RPS6KA2: variants seen among roughly 807,000 people sequenced by gnomAD.
The protein encoded by RPS6KA2 is ribosomal protein S6 kinase alpha-2.
A neutral mutation model predicts 91.8 loss-of-function variants in RPS6KA2; 42 were observed. The ratio of observed to expected loss-of-function variants is 0.46; its 90% CI spans 0.36 to 0.59. The LOEUF (loss-of-function observed/expected upper bound fraction) is 0.59. Among genes scored for constraint, RPS6KA2 ranks in the 20% least tolerant of loss-of-function variants. The probability of loss-of-function intolerance (pLI) is 0.00; values close to 1 mark genes in which losing one functional copy is unlikely to be tolerated. For synonymous variants in RPS6KA2, 414 were observed against 393.6 expected, an observed-to-expected ratio of 1.05 and a Z score of -0.61; for missense variants, 798 against 978.5, an observed-to-expected ratio of 0.82 and a Z score of 2.46.
upstream of RPS6KA2, among the ~76,000 whole-genome samples, chr6:166,628,529 G>A (rs1162572877): frequency 1.3e-5 from 2 of 152,242 alleles, no homozygotes; most frequent in East Asian, 3.8e-4. Flanking sequence ...GGGTAGAGAG[G>A]TCAGAATGTC....
intron 2 of RPS6KA2, among the ~76,000 whole-genome samples, chr6:166,531,612 T>C (rs750292959): frequency 2.0e-5 from 3 of 152,222 alleles, no homozygotes; most frequent in Non-Finnish European, 2.9e-5. Context: ...ACCAGCTGTT[T>C]AGAAAAACAA....
intron 2 of RPS6KA2, among the ~76,000 whole-genome samples, chr6:166,773,829 A>G (rs1352343771): frequency 6.6e-6 from 1 of 152,220 alleles, no homozygotes; most frequent in East Asian, 1.9e-4. Context: ...AAAAAAAACT[A>G]CCGTTGAGAT....
At chr6:166,421,840 A>G (rs907700470) in intron 17 of RPS6KA2, among the ~76,000 whole-genome samples, 2 of 152,122 alleles carry the variant, frequency 1.3e-5, no homozygotes, top group African/African-American at 4.8e-5. Context: ...AATATTATCA[A>G]TATTAATATT....
At chr6:166,504,361 T>C in intron 6 of RPS6KA2, 145 bp downstream of exon 6, 1 of 557,150 alleles carries the variant, frequency 1.8e-6, no homozygotes, top group East Asian at 3.2e-5. Flanking sequence ...GAGCCGGTCC[T>C]GCCGGCACAA....
chr6:166,788,852 T>TA (rs1379094197), intron 2 of RPS6KA2, among the ~76,000 whole-genome samples: 1 of 151,860 alleles, frequency 6.6e-6, no homozygotes, highest in Non-Finnish European at 1.5e-5. Context: ...TAAAGTAAAA[T>TA]AAAAAATAAA....
chr6:166,504,612 C>T lies in RPS6KA2; in HGVS notation c.460G>A (p.Val154Ile), dbSNP rs750603576. ...TTGACATCCTCCTCCGTGAACATGA[C>T]CTAGTAAGAAAAAAACAAAAACAAA... is the stretch of plus-strand genomic sequence containing the variant. The part of the protein sequence containing the change: ...GDLFTRLSKE[V>I]MFTEEDVKFY... Residue 154 changes from valine to isoleucine, a missense_variant and splice_region_variant, in exon 6 of 21, where the codon GTC becomes ATC. Val to Ile is a conservative substitution (Grantham distance 29). Transcript: ENST00000265678. 7 of 1,599,658 alleles carry T rather than the reference C, an allele frequency of 4.4e-6. No homozygotes were observed. Among genetic ancestry groups the T allele is most frequent in the Non-Finnish European group, 6.0e-6 (7 of 1,174,328 alleles).
At chr6:166,507,877 C>T (rs542867688) in intron 5 of RPS6KA2, among the ~76,000 whole-genome samples, 18 of 149,782 alleles carry the variant, frequency 1.2e-4, no homozygotes, top group East Asian at 5.9e-4. Flanking sequence ...CCAAACACCA[C>T]GCACACCCCC....
At chr6:166,842,969 C>T (rs1274379745) in intron 2 of RPS6KA2, among the ~76,000 whole-genome samples, 2 of 152,188 alleles carry the variant, frequency 1.3e-5, no homozygotes, top group African/African-American at 2.4e-5. Flanking sequence ...AGTCTGCCTG[C>T]CTTCTCAGTG....
intron 1 of RPS6KA2, among the ~76,000 whole-genome samples, chr6:166,581,847 G>A (rs560941294): frequency 5.0e-4 from 68 of 135,836 alleles, no homozygotes; most frequent in African/African-American, 2.0e-3. Flanking sequence ...GGGGTGGGAC[G>A]CCCACTCGGC....
At chr6:166,774,799 G>T (rs557149394) in intron 2 of RPS6KA2, among the ~76,000 whole-genome samples, 6 of 151,636 alleles carry the variant, frequency 4.0e-5, no homozygotes, top group African/African-American at 1.2e-4. Context: ...CCAGATTACA[G>T]CAGCATAAAG....
At chr6:166,597,880 C>A (rs990643875) in intron 1 of RPS6KA2, among the ~76,000 whole-genome samples, 1 of 152,168 alleles carries the variant, frequency 6.6e-6, no homozygotes, top group Non-Finnish European at 1.5e-5. Context: ...CCAGCCCCAG[C>A]CGGGCACCGT....
intron 2 of RPS6KA2, among the ~76,000 whole-genome samples, chr6:166,535,117 G>A (rs538486490): frequency 2.0e-5 from 3 of 152,304 alleles, no homozygotes; most frequent in South Asian, 4.1e-4. Context: ...CCCAGTGGGC[G>A]CTGTGTGTGC....
chr6:166,555,163 T>G (rs1353676230), intron 1 of RPS6KA2, among the ~76,000 whole-genome samples: 1 of 152,248 alleles, frequency 6.6e-6, no homozygotes, highest in African/African-American at 2.4e-5. Context: ...CAAGTCACGG[T>G]TATTTGTGCA....
At chr6:166,524,701 G>A (rs972293574) in intron 3 of RPS6KA2, among the ~76,000 whole-genome samples, 5 of 152,168 alleles carry the variant, frequency 3.3e-5, no homozygotes, top group African/African-American at 7.2e-5. Flanking sequence ...TGCTTGAGCC[G>A]GCAGCACTCT....
intron 1 of RPS6KA2, among the ~76,000 whole-genome samples, chr6:166,583,023 C>T (rs1484025935): frequency 1.3e-5 from 2 of 152,184 alleles, no homozygotes; most frequent in Non-Finnish European, 2.9e-5. Context: ...TCGTTGACTG[C>T]TTTTATTCAT....
intron 1 of RPS6KA2, among the ~76,000 whole-genome samples, chr6:166,550,442 G>GT (rs1011418645): frequency 8.4e-5 from 10 of 118,970 alleles, no homozygotes; most frequent in African/African-American, 3.1e-4. Context: ...CTATTAATTG[G>GT]TAAAAAAAAA....
intron 2 of RPS6KA2, among the ~76,000 whole-genome samples, chr6:166,738,452 G>A (rs1305823336): frequency 6.6e-6 from 1 of 152,180 alleles, no homozygotes; most frequent in African/African-American, 2.4e-5. Flanking sequence ...GGCCAAGGTG[G>A]ACCCTCAAAA....
At chr6:166,588,731 C>A (rs1044693776) in intron 1 of RPS6KA2, among the ~76,000 whole-genome samples, 1 of 152,230 alleles carries the variant, frequency 6.6e-6, no homozygotes, top group African/African-American at 2.4e-5. Context: ...TGCTACTCTG[C>A]CCTGATGATG....
intron 1 of RPS6KA2, among the ~76,000 whole-genome samples, chr6:166,614,842 T>C (rs565971000): frequency 6.6e-6 from 1 of 152,320 alleles, no homozygotes; most frequent in South Asian, 2.1e-4. Flanking sequence ...ACGAGGACTC[T>C]TGTGATTACA....
Sources: allele counts gnomAD v4.1 joint callset (sites outside exome capture counted in the v4.1 genomes callset), GRCh38; gene constraint gnomAD v4.1.1; transcripts MANE v1.5; gene names NCBI Gene and HGNC (gene_info 2026-07-23, HGNC 2026-07-21).